The following GALNT17 variants were observed in gnomAD, a reference collection of about 807,000 sequenced individuals.
The protein encoded by GALNT17 is polypeptide N-acetylgalactosaminyltransferase 17, also known as UDP-GalNAc:polypeptide N-acetylgalactosaminyltransferase-like 3.
In GALNT17, 29 loss-of-function variants were observed where a neutral mutation model predicts 63.7. The ratio of observed to expected loss-of-function variants is 0.46; its 90% CI spans 0.34 to 0.62. The LOEUF (loss-of-function observed/expected upper bound fraction) is 0.62. Ranked by LOEUF, GALNT17 falls within the 20% of genes least tolerant of loss-of-function variation. The probability of loss-of-function intolerance (pLI) is 0.01; values close to 1 mark genes in which losing one functional copy is unlikely to be tolerated. For missense variants in GALNT17, 603 were observed against 799.6 expected, an observed-to-expected ratio of 0.75 and a Z score of 2.97; for synonymous variants, 305 against 318.3, an observed-to-expected ratio of 0.96 and a Z score of 0.45.
intron 5 of GALNT17, among the ~76,000 whole-genome samples, chr7:71,454,994 C>G (rs184262937): frequency 6.6e-6 from 1 of 151,858 alleles, no homozygotes; most frequent in Non-Finnish European, 1.5e-5. Context: ...TGGTGAAACC[C>G]CATTTCTACA....
intron 5 of GALNT17, among the ~76,000 whole-genome samples, chr7:71,518,290 C>CCA (rs1164890518): frequency 6.6e-6 from 1 of 152,176 alleles, no homozygotes; most frequent in Admixed American, 6.5e-5. Context: ...TGAGTCTGTA[C>CCA]ATTTCCTGTT....
chr7:71,163,212 G>T (rs2116258249), intron 1 of GALNT17, among the ~76,000 whole-genome samples: 1 of 152,344 alleles, frequency 6.6e-6, no homozygotes, highest in South Asian at 2.1e-4. Context: ...AGACAGGGAA[G>T]ACTTGCAGGG....
At chr7:71,501,600 G>C (rs1788181635) in intron 5 of GALNT17, among the ~76,000 whole-genome samples, 1 of 152,062 alleles carries the variant, frequency 6.6e-6, no homozygotes, top group African/African-American at 2.4e-5. Context: ...CAAATGGCAG[G>C]ATCTCAACCC....
chr7:71,317,421 G>T (rs1362357145), intron 1 of GALNT17, among the ~76,000 whole-genome samples: 1 of 152,188 alleles, frequency 6.6e-6, no homozygotes, highest in Non-Finnish European at 1.5e-5. Flanking sequence ...AGCAATGCCT[G>T]ATTAGAAACT....
At chr7:71,236,212 T>A (rs973105056) in intron 1 of GALNT17, among the ~76,000 whole-genome samples, 10 of 151,232 alleles carry the variant, frequency 6.6e-5, no homozygotes, top group African/African-American at 2.2e-4. Context: ...AAAATAAAAA[T>A]CTACTCTCTT....
At chr7:71,663,689 C>T (rs779385136) in intron 6 of GALNT17, among the ~76,000 whole-genome samples, 36 of 152,114 alleles carry the variant, frequency 2.4e-4, no homozygotes, top group Admixed American at 9.2e-4. Flanking sequence ...GTGGTATAAC[C>T]GAAGTTGGGA....
chr7:71,411,637 C>T (rs963189502), intron 3 of GALNT17, among the ~76,000 whole-genome samples: 3 of 152,146 alleles, frequency 2.0e-5, no homozygotes, highest in African/African-American at 7.2e-5. Flanking sequence ...AGCCAGGCTT[C>T]CTGGAAGTCC....
intron 6 of GALNT17, among the ~76,000 whole-genome samples, chr7:71,630,757 G>A (rs184278421): frequency 2.1e-4 from 32 of 152,332 alleles, no homozygotes; most frequent in African/African-American, 7.5e-4. Context: ...GCTGAAAACA[G>A]CCAGGACAAA....
chr7:71,269,646 G>A (rs565328812), intron 1 of GALNT17, among the ~76,000 whole-genome samples: 1 of 152,316 alleles, frequency 6.6e-6, no homozygotes, highest in Non-Finnish European at 1.5e-5. Context: ...GGGAGGGGCA[G>A]GAAGCCGAGA....
At chr7:71,180,527 T>C (rs1315390114) in intron 1 of GALNT17, among the ~76,000 whole-genome samples, 2 of 152,336 alleles carry the variant, frequency 1.3e-5, no homozygotes, top group South Asian at 4.1e-4. Context: ...CAGATTGCTC[T>C]CAAATGCAGT....
At chr7:71,228,707 G>A (rs747992407) in intron 1 of GALNT17, among the ~76,000 whole-genome samples, 8 of 152,140 alleles carry the variant, frequency 5.3e-5, no homozygotes, top group Non-Finnish European at 1.2e-4. Context: ...TCTCCTGCAT[G>A]TGTCTATTGA....
intron 5 of GALNT17, among the ~76,000 whole-genome samples, chr7:71,469,190 C>T (rs548008507): frequency 6.6e-6 from 1 of 152,064 alleles, no homozygotes; most frequent in African/African-American, 2.4e-5. Context: ...CCAATGACTG[C>T]AAGGAAGTCA....
intron 5 of GALNT17, among the ~76,000 whole-genome samples, chr7:71,523,845 T>C (rs1046009835): frequency 2.6e-5 from 4 of 151,522 alleles, no homozygotes; most frequent in Admixed American, 2.0e-4. Context: ...CTGGGCTGGG[T>C]GCTGTGGCTC....
intron 6 of GALNT17, among the ~76,000 whole-genome samples, chr7:71,580,723 C>A (rs1164475969): frequency 6.6e-6 from 1 of 152,050 alleles, no homozygotes; most frequent in Non-Finnish European, 1.5e-5. Flanking sequence ...GGAGTCCAGG[C>A]TGAGCAGGTG....
At chr7:71,133,749 C>T (rs919884092) in intron 1 of GALNT17, among the ~76,000 whole-genome samples, 4 of 152,184 alleles carry the variant, frequency 2.6e-5, no homozygotes, top group African/African-American at 4.8e-5. Flanking sequence ...GTGCTCAGTA[C>T]TTCAGGAGAA....
At chr7:71,369,011 A>C (rs1029155193) in intron 2 of GALNT17, among the ~76,000 whole-genome samples, 4 of 152,090 alleles carry the variant, frequency 2.6e-5, no homozygotes, top group Non-Finnish European at 4.4e-5. Context: ...GCAAGAGATG[A>C]GTTTCTTCTC....
At chr7:71,674,940 C>CT (rs746243288) in intron 8 of GALNT17, among the ~76,000 whole-genome samples, 5 of 152,186 alleles carry the variant, frequency 3.3e-5, no homozygotes, top group Non-Finnish European at 7.3e-5. Flanking sequence ...ATTTCCAGCA[C>CT]TTTGGGAGGC....
intron 1 of GALNT17, among the ~76,000 whole-genome samples, chr7:71,140,334 G>C (rs899923940): frequency 1.3e-5 from 2 of 152,158 alleles, no homozygotes; most frequent in Admixed American, 1.3e-4. Context: ...GGGTGCTGGA[G>C]GACACCCACT....
chr7:71,650,690 C>T (rs1477888504), intron 6 of GALNT17, among the ~76,000 whole-genome samples: 1 of 152,092 alleles, frequency 6.6e-6, no homozygotes, highest in Non-Finnish European at 1.5e-5. Context: ...ATAATTGTGC[C>T]CTACCAACTC....
Sources: allele counts gnomAD v4.1 joint callset (sites outside exome capture counted in the v4.1 genomes callset), GRCh38; gene constraint gnomAD v4.1.1; transcripts MANE v1.5; gene names NCBI Gene and HGNC (gene_info 2026-07-23, HGNC 2026-07-21).